The following IL1RAPL2 variants were observed in gnomAD, a reference collection of about 807,000 sequenced individuals.
The protein encoded by IL1RAPL2 is X-linked interleukin-1 receptor accessory protein-like 2.
A neutral mutation model predicts 44.1 loss-of-function variants in IL1RAPL2; 3 were observed. The observed-to-expected ratio is 0.07, with a 90% CI of 0.03 to 0.18. IL1RAPL2 has a LOEUF of 0.18. IL1RAPL2 is among the 10% of genes least tolerant of loss of function. The probability of loss-of-function intolerance (pLI) is 1.00; values close to 1 mark genes in which losing one functional copy is unlikely to be tolerated. For missense variants in IL1RAPL2, 391 were observed against 496.4 expected (o/e 0.79, Z 2.02); for synonymous variants, 181 against 178.8 (o/e 1.01, Z -0.10).
intron 2 of IL1RAPL2, among the ~76,000 whole-genome samples, chrX:105,034,113 G>A (rs1352171163): frequency 9.0e-6 from 1 of 111,211 alleles, no homozygotes; most frequent in Non-Finnish European, 1.9e-5. Flanking sequence ...GTTATTGTAG[G>A]TATCCATTCA....
At chrX:105,214,122 A>G (rs782004611) in intron 3 of IL1RAPL2, among the ~76,000 whole-genome samples, 1 of 102,159 alleles carries the variant, frequency 9.8e-6, no homozygotes, top group Admixed American at 1.1e-4. Context: ...ACATAACAAT[A>G]CTAAACTTAA....
chrX:104,878,314 CAAT>C (rs1236914928), intron 2 of IL1RAPL2, among the ~76,000 whole-genome samples: 1 of 111,774 alleles, frequency 8.9e-6, no homozygotes, highest in African/African-American at 3.2e-5. Context: ...ATAATAATAA[CAAT>C]GATGATTTGT....
At chrX:104,856,551 G>T (rs1922368663) in intron 2 of IL1RAPL2, among the ~76,000 whole-genome samples, 1 of 111,737 alleles carries the variant, frequency 8.9e-6, no homozygotes, top group Non-Finnish European at 1.9e-5. Flanking sequence ...GCCATTAAAG[G>T]TCTACATTTG....
intron 2 of IL1RAPL2, among the ~76,000 whole-genome samples, chrX:105,185,153 A>G (rs368716088): frequency 2.7e-5 from 3 of 111,680 alleles, no homozygotes; most frequent in African/African-American, 9.8e-5. Context: ...ATACTTATCT[A>G]TGTATATAAG....
At chrX:105,324,790 G>T (rs1161728995) in intron 5 of IL1RAPL2, among the ~76,000 whole-genome samples, 2 of 111,581 alleles carry the variant, frequency 1.8e-5, no homozygotes, top group Non-Finnish European at 3.8e-5. Flanking sequence ...CCAGATTATT[G>T]TTTGTGTGTA....
At chrX:105,581,617 T>C (rs1258851351) in intron 6 of IL1RAPL2, among the ~76,000 whole-genome samples, 1 of 111,700 alleles carries the variant, frequency 9.0e-6, no homozygotes, top group Non-Finnish European at 1.9e-5. Context: ...AATTTTTCAA[T>C]AACATAATGA....
chrX:104,723,852 A>G (rs1180630230), intron 2 of IL1RAPL2, among the ~76,000 whole-genome samples: 6 of 111,324 alleles, frequency 5.4e-5, no homozygotes, highest in Non-Finnish European at 1.1e-4. Context: ...AGAGCTTTTG[A>G]GGAACATACA....
intron 6 of IL1RAPL2, among the ~76,000 whole-genome samples, chrX:105,489,077 C>A (rs1346250833): frequency 1.8e-5 from 2 of 111,847 alleles, no homozygotes; most frequent in Non-Finnish European, 3.8e-5. Flanking sequence ...AGATGATAAA[C>A]ACATTCTTAA....
chrX:105,447,102 TATATAA>T lies in IL1RAPL2; in HGVS notation c.698-37209_698-37204del, dbSNP rs1482205197. On this transcript the variant is annotated intron_variant, in intron 5 of 10. Transcript: ENST00000372582. ...ATATATATATATATATATATATATA[TATATAA>T]AAATATATATAAATATAAATATATA... Among the ~76,000 whole-genome samples the T allele has an allele frequency of 6.0e-3, 334 of 55,289 alleles. 25 individuals are homozygous for T. The highest frequency in any genetic ancestry group is 0.038 in the African/African-American group (326 of 8,495). 48.0% of individuals were successfully genotyped at this position (55,289 alleles called of 115,157 possible).
rs192625080 is a variant in IL1RAPL2 at position 104,943,292 on chromosome X, T to C, written c.83-252183T>C. On this transcript the variant is annotated intron_variant, in intron 2 of 10. Transcript: ENST00000372582. The stretch of plus-strand genomic sequence containing the variant: ...AAGCATGTTTATGTTGATGACTCCA[T>C]AATTTGTGTCTCTAGACCAGACTTC... Among the ~76,000 whole-genome samples the C allele has an allele frequency of 2.5e-4, 28 of 111,538 alleles. No individual in the cohort carries two copies. The East Asian group carries it at 7.9e-3, about 32-fold the overall frequency.
At chrX:105,430,757 G>A (rs2035841858) in intron 5 of IL1RAPL2, among the ~76,000 whole-genome samples, 2 of 111,255 alleles carry the variant, frequency 1.8e-5, no homozygotes, top group South Asian at 7.4e-4. Context: ...TAACTAAAGG[G>A]CATTTGAAAC....
chrX:104,876,098 C>T (rs182267417), intron 2 of IL1RAPL2, among the ~76,000 whole-genome samples: 1 of 111,055 alleles, frequency 9.0e-6, no homozygotes, highest in Middle Eastern at 4.2e-3. Context: ...GAGAAACTAC[C>T]ACTACTGCCT....
intron 5 of IL1RAPL2, among the ~76,000 whole-genome samples, chrX:105,383,341 T>C (rs765113576): frequency 1.3e-3 from 150 of 111,449 alleles, no homozygotes; most frequent in Admixed American, 1.9e-3. Context: ...CATATATGAG[T>C]GAGAACGTAC....
At chrX:104,827,056 C>A (rs772747317) in intron 2 of IL1RAPL2, among the ~76,000 whole-genome samples, 2 of 105,447 alleles carry the variant, frequency 1.9e-5, no homozygotes, top group East Asian at 3.0e-4. Flanking sequence ...TACAGCACAC[C>A]GATTGGTCTT....
At chrX:104,756,068 CT>C (rs1038696472) in intron 2 of IL1RAPL2, among the ~76,000 whole-genome samples, 1 of 110,960 alleles carries the variant, frequency 9.0e-6, no homozygotes, top group Non-Finnish European at 1.9e-5. Flanking sequence ...ATCTTACCTC[CT>C]GCTTGTGTGA....
intron 2 of IL1RAPL2, among the ~76,000 whole-genome samples, chrX:104,950,731 C>G (rs1390432648): frequency 9.3e-5 from 10 of 106,956 alleles, no homozygotes; most frequent in East Asian, 9.0e-4. Context: ...TTTTTTGAGA[C>G]GGAGTCTCGC....
intron 2 of IL1RAPL2, among the ~76,000 whole-genome samples, chrX:104,876,958 C>T (rs4826987): frequency 7.4e-5 from 8 of 108,556 alleles, no homozygotes; most frequent in Admixed American, 4.0e-4. Flanking sequence ...CAATTCCCAC[C>T]GATGAGTGAG....
intron 8 of IL1RAPL2, among the ~76,000 whole-genome samples, chrX:105,741,324 G>C (rs918960891): frequency 9.0e-6 from 1 of 111,453 alleles, no homozygotes; most frequent in Admixed American, 9.6e-5. Context: ...ACAGATATAC[G>C]AACAACAAAC....
At chrX:105,271,062 A>G (rs757043608) in intron 5 of IL1RAPL2, among the ~76,000 whole-genome samples, 5 of 112,395 alleles carry the variant, frequency 4.4e-5, no homozygotes, top group Admixed American at 9.5e-5. Flanking sequence ...TAAGAAGGTC[A>G]AATATAAAAA....
Sources: gnomAD v4.1 joint callset for allele counts (sites outside exome capture counted in the v4.1 genomes callset) on GRCh38, gnomAD v4.1.1 for gene constraint, MANE v1.5 for transcripts, NCBI Gene and HGNC (gene_info 2026-07-23, HGNC 2026-07-21) for gene names.